NOL10: variants seen among roughly 807,000 people sequenced by gnomAD.
NOL10 encodes nucleolar protein 10.
In NOL10, 58 loss-of-function variants were observed where a neutral mutation model predicts 103.5. The observed-to-expected ratio is 0.56, with a 90% CI of 0.45 to 0.70. The LOEUF (loss-of-function observed/expected upper bound fraction) is 0.70, where lower values mean the gene tolerates loss of function less well. Ranked by LOEUF, NOL10 falls within the 30% of genes least tolerant of loss-of-function variation. NOL10 has a pLI of 0.00. For synonymous variants in NOL10, 287 were observed against 282.5 expected, an observed-to-expected ratio of 1.02 and a Z score of -0.16; for missense variants, 763 against 807.3, an observed-to-expected ratio of 0.95 and a Z score of 0.67.
chr2:10,602,155 C>T (rs565031608), intron 16 of NOL10, among the ~76,000 whole-genome samples: 1 of 152,342 alleles, frequency 6.6e-6, no homozygotes, highest in Admixed American at 6.5e-5. Flanking sequence ...GCCTCAAGGG[C>T]CCTGGAACCG....
At chr2:10,682,426 G>T (rs560097490) in intron 2 of NOL10, among the ~76,000 whole-genome samples, 3 of 149,224 alleles carry the variant, frequency 2.0e-5, no homozygotes, top group Non-Finnish European at 3.0e-5. Context: ...TTGAGACAGG[G>T]TCTCACTCTG....
intron 13 of NOL10, among the ~76,000 whole-genome samples, chr2:10,611,231 T>C (rs902281098): frequency 1.3e-5 from 2 of 152,228 alleles, no homozygotes; most frequent in Non-Finnish European, 2.9e-5. Flanking sequence ...ATGGAAATAC[T>C]TGATTCTATA....
Position 10,658,572 on chromosome 2 carries a change from T to TA in NOL10, c.756+599dup, listed in dbSNP as rs56898918. On this transcript the variant is annotated intron_variant, in intron 10 of 20. Coordinates refer to ENST00000381685, the MANE Select transcript of NOL10 (RefSeq NM_024894.4). ...TGTGCTATAGTTAATGATGCTATAT[T>TA]AAAAAAAAAAAAGTTCCTTGAACAC... Among the ~76,000 whole-genome samples the TA allele has an allele frequency of 2.9e-3, 423 of 145,504 alleles. 4 individuals carry two copies. Among genetic ancestry groups the TA allele is most frequent in the East Asian group, 0.014 (70 of 5,060 alleles).
chr2:10,668,628 G>T (rs766269047), intron 7 of NOL10, 30 bp downstream of exon 7: 2 of 1,166,514 alleles, frequency 1.7e-6, no homozygotes, highest in Non-Finnish European at 1.2e-6. Flanking sequence ...TGGTCAAAAT[G>T]TATATAGCAG....
At chr2:10,583,753 G>C (rs906881760) in intron 19 of NOL10, among the ~76,000 whole-genome samples, 1 of 152,160 alleles carries the variant, frequency 6.6e-6, no homozygotes, top group Non-Finnish European at 1.5e-5. Context: ...CAGGCCTGTG[G>C]CCCTTCTAAC....
chr2:10,663,082 GA>G (rs1443092632), intron 8 of NOL10, 38 bp from the exon 9 acceptor site: 2 of 1,564,114 alleles, frequency 1.3e-6, no homozygotes, highest in Admixed American at 3.4e-5. Context: ...AAAAGCTGTA[GA>G]AGGCGGGGCA....
chr2:10,679,753 T>C (rs779521267), intron 3 of NOL10, among the ~76,000 whole-genome samples: 21 of 152,002 alleles, frequency 1.4e-4, no homozygotes, highest in Non-Finnish European at 2.8e-4. Context: ...AGCCTCCAAG[T>C]AGCTGGAATT....
At chr2:10,682,386 A>G (rs1177430360) in intron 2 of NOL10, among the ~76,000 whole-genome samples, 1 of 151,858 alleles carries the variant, frequency 6.6e-6, no homozygotes, top group African/African-American at 2.4e-5. Context: ...GGAAGAGCAT[A>G]AACATTAAAC....
In NOL10 at chr2:10,674,599, G is replaced by A. The variant is rs568191075; in HGVS notation, c.290-1042C>T. On this transcript the variant is annotated intron_variant, in intron 4 of 20. Coordinates refer to ENST00000381685, the MANE Select transcript of NOL10 (RefSeq NM_024894.4). Reference sequence around the variant, plus strand: ...TCATGCCTGTAATCCCAGCACTTTGGGAGGTCGAGGCGGGTGGATCACGAG... The same window carrying A: ...TCATGCCTGTAATCCCAGCACTTTGAGAGGTCGAGGCGGGTGGATCACGAG... Among the ~76,000 whole-genome samples, 6 of 152,274 alleles carry A rather than the reference G, an allele frequency of 3.9e-5. No individual in the cohort carries two copies. In the South Asian group the frequency reaches 1.2e-3, roughly 32 times the overall value.
Position 10,600,948 on chromosome 2 carries a change from G to C in NOL10, c.1333-6C>G. ...TTGTTAACTTTTGGCAATTTCTAGA[G>C]AGAAAATAAAAGCTGGTATTTTATT... On this transcript the variant is annotated splice_region_variant and splice_polypyrimidine_tract_variant and intron_variant, in intron 16 of 20. Transcript: ENST00000381685. The C allele has an allele frequency of 2.7e-6, 4 of 1,506,206 alleles. No individual in the cohort carries two copies. In the South Asian group the frequency reaches 5.0e-5, roughly 19 times the overall value. The allele number at this position is 1,506,206 out of a possible 1,614,324, so 93.3% of individuals were successfully genotyped here. A position where few individuals can be genotyped will look rare whatever the true frequency, so the allele number is the denominator to read the frequency against.
intron 13 of NOL10, among the ~76,000 whole-genome samples, chr2:10,622,984 G>A (rs898146030): frequency 2.0e-5 from 3 of 151,790 alleles, no homozygotes; most frequent in South Asian, 2.1e-4. Flanking sequence ...ACGAATCACC[G>A]CACTCTATGA....
At chr2:10,689,393 G>A (rs1682452157) in intron 1 of NOL10, among the ~76,000 whole-genome samples, 1 of 152,152 alleles carries the variant, frequency 6.6e-6, no homozygotes, top group African/African-American at 2.4e-5. Flanking sequence ...CCTAAGACCT[G>A]GCAAATGATA....
intron 17 of NOL10, among the ~76,000 whole-genome samples, chr2:10,593,683 G>T (rs1675515125): frequency 6.6e-6 from 1 of 152,212 alleles, no homozygotes; most frequent in South Asian, 2.1e-4. Context: ...GCTCTGGAAA[G>T]CCTGGCCCCA....
At chr2:10,683,677 T>C (rs1681943363) in intron 2 of NOL10, among the ~76,000 whole-genome samples, 1 of 152,196 alleles carries the variant, frequency 6.6e-6, no homozygotes, top group Non-Finnish European at 1.5e-5. Flanking sequence ...GCTTACTGCT[T>C]GCCAGAAAAG....
chr2:10,612,853 T>A (rs1023822393), intron 13 of NOL10, among the ~76,000 whole-genome samples: 7 of 152,102 alleles, frequency 4.6e-5, no homozygotes, highest in Admixed American at 3.9e-4. Context: ...ACACATTTTT[T>A]ATATATTTTT....
Position 10,638,338 on chromosome 2 carries a change from GTA to G in NOL10, c.1026+5980_1026+5981del, listed in dbSNP as rs1558311347. Among the ~76,000 whole-genome samples the G allele has an allele frequency of 3.6e-3, 478 of 131,698 alleles. 1 individual carries two copies. The highest frequency in any genetic ancestry group is 7.9e-3 in the African/African-American group (204 of 25,948). 86.4% of individuals were successfully genotyped at this position (131,698 alleles called of 152,430 possible). On this transcript the variant is annotated intron_variant, in intron 13 of 20. Coordinates refer to ENST00000381685, the MANE Select transcript of NOL10 (RefSeq NM_024894.4). ...GTGACGTGACGTGACGTGACGTAAC[GTA>G]ACGTAACGTAACGTAACGTAACAGT...
At chr2:10,576,575 C>T (rs1026581131) in intron 20 of NOL10, among the ~76,000 whole-genome samples, 17 of 152,270 alleles carry the variant, frequency 1.1e-4, no homozygotes, top group Middle Eastern at 6.8e-3. Context: ...ATGAATAAAC[C>T]TTGAAAACAT....
intron 13 of NOL10, among the ~76,000 whole-genome samples, chr2:10,633,829 A>T (rs1401073349): frequency 1.3e-5 from 2 of 149,978 alleles, no homozygotes; most frequent in East Asian, 2.0e-4. Context: ...ATATATATTT[A>T]TTATTATTAT....
intron 6 of NOL10, among the ~76,000 whole-genome samples, chr2:10,670,522 G>C (rs1314274226): frequency 6.6e-6 from 1 of 152,112 alleles, no homozygotes; most frequent in Non-Finnish European, 1.5e-5. Context: ...ATCACCTGAG[G>C]TCAGGAGTTC....
Sources: gnomAD v4.1 joint callset for allele counts (sites outside exome capture counted in the v4.1 genomes callset) on GRCh38, gnomAD v4.1.1 for gene constraint, MANE v1.5 for transcripts, NCBI Gene and HGNC (gene_info 2026-07-23, HGNC 2026-07-21) for gene names.